Variants in APAF1 observed in about 807,000 individuals in gnomAD.
APAF1 encodes the protein apoptotic protease-activating factor 1.
APAF1 carries 91 observed loss-of-function variants against 152.4 expected under a neutral mutation model. The observed-to-expected ratio is 0.60, with a 90% CI of 0.50 to 0.71. APAF1 has a LOEUF of 0.71. Among genes scored for constraint, APAF1 ranks in the 30% least tolerant of loss-of-function variants. The pLI, the probability that APAF1 is intolerant of heterozygous loss-of-function variation, is 0.00. For synonymous variants in APAF1, 484 were observed against 494.1 expected, an observed-to-expected ratio of 0.98 and a Z score of 0.27; for missense variants, 1,283 against 1,472.0, an observed-to-expected ratio of 0.87 and a Z score of 2.10.
chr12:98,649,303 T>C (rs2097646080), intron 3 of APAF1, 184 bp from the exon 4 acceptor site: 1 of 853,678 alleles, frequency 1.2e-6, no homozygotes. Flanking sequence ...GGATATATGT[T>C]TGTCTTTGCT....
At chr12:98,693,496 C>T (rs1049300260) in intron 16 of APAF1, among the ~76,000 whole-genome samples, 1 of 152,134 alleles carries the variant, frequency 6.6e-6, no homozygotes, top group African/African-American at 2.4e-5. Context: ...TTTCCTCTCT[C>T]ATTAGCTTTC....
intron 17 of APAF1, among the ~76,000 whole-genome samples, chr12:98,699,927 C>G (rs540650398): frequency 1.3e-5 from 2 of 152,256 alleles, no homozygotes; most frequent in South Asian, 4.1e-4. Flanking sequence ...CTTCATCACT[C>G]CTTTTTTTTC....
At chr12:98,647,253 TAA>T (rs199625521) in intron 1 of APAF1, among the ~76,000 whole-genome samples, 61 of 125,334 alleles carry the variant, frequency 4.9e-4, no homozygotes, top group Admixed American at 7.3e-4. Flanking sequence ...CCGTCTGTAC[TAA>T]AAAAAAAAAA....
intron 2 of APAF1, 61 bp downstream of exon 2, chr12:98,648,558 C>T: frequency 6.2e-7 from 1 of 1,607,126 alleles, no homozygotes; most frequent in Non-Finnish European, 8.5e-7. Flanking sequence ...AGAACTTGTA[C>T]TGGTCTCCAC....
intron 4 of APAF1, among the ~76,000 whole-genome samples, chr12:98,651,047 A>G (rs1158940430): frequency 6.6e-6 from 1 of 152,224 alleles, no homozygotes; most frequent in Non-Finnish European, 1.5e-5. Flanking sequence ...GTCATATTGT[A>G]TAAATTGTTA....
At chr12:98,724,304 C>T (rs892568514) in intron 24 of APAF1, among the ~76,000 whole-genome samples, 6 of 152,140 alleles carry the variant, frequency 3.9e-5, no homozygotes, top group Non-Finnish European at 7.3e-5. Flanking sequence ...TGTCACCACC[C>T]TGAAGAGCAT....
intron 4 of APAF1, among the ~76,000 whole-genome samples, chr12:98,657,830 T>C (rs774605842): frequency 6.6e-6 from 1 of 152,218 alleles, no homozygotes; most frequent in South Asian, 2.1e-4. Context: ...ATTTTCAAAA[T>C]GAAGATAATA....
At chr12:98,703,027 G>C (rs1407049499) in intron 17 of APAF1, among the ~76,000 whole-genome samples, 1 of 152,074 alleles carries the variant, frequency 6.6e-6, no homozygotes, top group Non-Finnish European at 1.5e-5. Context: ...TCATTTATGA[G>C]TATTCATTTT....
chr12:98,661,752 G>C (rs1299572145), intron 5 of APAF1, among the ~76,000 whole-genome samples: 1 of 151,822 alleles, frequency 6.6e-6, no homozygotes, highest in African/African-American at 2.4e-5. Flanking sequence ...TACAGGCCTA[G>C]AGTATTTTTT....
At chr12:98,730,339 G>A (rs984704715) in intron 26 of APAF1, among the ~76,000 whole-genome samples, 2 of 152,134 alleles carry the variant, frequency 1.3e-5, no homozygotes, top group African/African-American at 2.4e-5. Flanking sequence ...GGGAGTCTTC[G>A]GCTATATTAG....
chr12:98,653,786 G>A (rs1221701323), intron 4 of APAF1, among the ~76,000 whole-genome samples: 2 of 130,756 alleles, frequency 1.5e-5, no homozygotes, highest in Non-Finnish European at 3.1e-5. Flanking sequence ...AAATTTCAAT[G>A]CTTTAATTTT....
chr12:98,672,711 A>G (rs913409543), intron 12 of APAF1, among the ~76,000 whole-genome samples: 11 of 151,838 alleles, frequency 7.2e-5, no homozygotes, highest in African/African-American at 2.7e-4. Context: ...ATTCTATTTA[A>G]TCTTCAAAAC....
intron 4 of APAF1, among the ~76,000 whole-genome samples, chr12:98,651,645 A>C (rs1245529156): frequency 6.6e-6 from 1 of 151,636 alleles, no homozygotes; most frequent in African/African-American, 2.4e-5. Flanking sequence ...GAGCAAAATT[A>C]GTAATTATTT....
intron 13 of APAF1, among the ~76,000 whole-genome samples, chr12:98,679,291 C>T (rs2097689843): frequency 6.6e-6 from 1 of 152,148 alleles, no homozygotes; most frequent in African/African-American, 2.4e-5. Context: ...GGACCAGCTG[C>T]AGAGAGGAGC....
intron 16 of APAF1, among the ~76,000 whole-genome samples, chr12:98,696,419 AT>A (rs778632030): frequency 1.3e-5 from 2 of 152,200 alleles, no homozygotes; most frequent in Non-Finnish European, 2.9e-5. Context: ...ATTAGAAGGC[AT>A]TCATCTGTTT....
chr12:98,651,857 C>T (rs939576014), intron 4 of APAF1, among the ~76,000 whole-genome samples: 1 of 152,078 alleles, frequency 6.6e-6, no homozygotes, highest in Non-Finnish European at 1.5e-5. Context: ...CTTTGTCACC[C>T]AGGCTGGAGT....
intron 13 of APAF1, among the ~76,000 whole-genome samples, chr12:98,678,280 C>G (rs1405274440): frequency 1.3e-5 from 2 of 152,268 alleles, no homozygotes; most frequent in East Asian, 3.8e-4. Flanking sequence ...TGTGCTCTGA[C>G]ACTTCTTTTT....
intron 14 of APAF1, among the ~76,000 whole-genome samples, chr12:98,681,277 G>T (rs992303777): frequency 1.3e-5 from 2 of 151,936 alleles, no homozygotes; most frequent in African/African-American, 4.8e-5. Flanking sequence ...GGTCAGGCTG[G>T]TATTGAACTT....
intron 26 of APAF1, 52 bp downstream of exon 26, chr12:98,727,368 T>A (rs770735404): frequency 5.6e-6 from 9 of 1,599,162 alleles, no homozygotes; most frequent in Non-Finnish European, 6.8e-6. Flanking sequence ...TATCATACTT[T>A]CCAAGCTATT....
Sources: allele counts gnomAD v4.1 joint callset (sites outside exome capture counted in the v4.1 genomes callset), GRCh38; gene constraint gnomAD v4.1.1; transcripts MANE v1.5; gene names NCBI Gene and HGNC (gene_info 2026-07-23, HGNC 2026-07-21).